Variants in STS observed in about 807,000 individuals in gnomAD.
The protein encoded by STS is steryl-sulfatase.
STS carries 7 observed loss-of-function variants against 26.8 expected under a neutral mutation model. That is an observed-to-expected ratio of 0.26 (90% CI 0.15 to 0.49). The LOEUF is 0.49. STS is among the 20% of genes least tolerant of loss of function. The pLI, the probability that STS is intolerant of heterozygous loss-of-function variation, is 0.98. For synonymous variants in STS, 199 were observed against 189.4 expected, an observed-to-expected ratio of 1.05 and a Z score of -0.42; for missense variants, 434 against 465.6, an observed-to-expected ratio of 0.93 and a Z score of 0.63.
intron 10 of STS, among the ~76,000 whole-genome samples, chrX:7,344,821 C>A (rs762006458): frequency 9.0e-6 from 1 of 111,342 alleles, no homozygotes; most frequent in African/African-American, 3.3e-5. Flanking sequence ...GTCTATCATG[C>A]GCGCAGTGTC....
chrX:7,296,126 G>A (rs1925650606), intron 7 of STS, among the ~76,000 whole-genome samples: 2 of 111,558 alleles, frequency 1.8e-5, no homozygotes, highest in South Asian at 3.8e-4. Flanking sequence ...GGCTCAGTCT[G>A]GAGGTTTAAG....
rs1927387638 is a variant in STS at position 7,325,436 on chromosome X, T to C, written c.1179T>C (p.Thr393=). The C allele has an allele frequency of 8.3e-7, 1 of 1,211,501 alleles. No homozygotes were observed. The highest frequency in any genetic ancestry group is 1.7e-5 in the African/African-American group (1 of 57,789). ...CTGGCCAGAAGATTGATGAGCCCAC[T>C]AGCAACATGGACATATTTCCTACAG... ...IQAGQKIDEP[T]SNMDIFPTVA... Residue 393 remains threonine, a synonymous_variant, in exon 9 of 11, where the codon ACT becomes ACC. Transcript: ENST00000674429.
intron 6 of STS, among the ~76,000 whole-genome samples, chrX:7,261,198 G>A (rs1342921528): frequency 1.8e-5 from 2 of 111,543 alleles, no homozygotes; most frequent in African/African-American, 3.3e-5. Flanking sequence ...CAGACGTTTG[G>A]TCTTTATGGT....
At chrX:7,212,792 G>A (rs995141623) in intron 2 of STS, among the ~76,000 whole-genome samples, 8 of 112,155 alleles carry the variant, frequency 7.1e-5, no homozygotes, top group Non-Finnish European at 1.5e-4. Context: ...TGATTAAATT[G>A]TAATAATGAA....
At chrX:7,166,908 C>G (rs1206927518) in intron 1 of STS, among the ~76,000 whole-genome samples, 2 of 112,283 alleles carry the variant, frequency 1.8e-5, no homozygotes, top group Non-Finnish European at 3.8e-5. Flanking sequence ...TTTGAAAACA[C>G]TTGGTTTTAC....
At chrX:7,346,595 C>T (rs1194794288) in intron 10 of STS, among the ~76,000 whole-genome samples, 3 of 111,222 alleles carry the variant, frequency 2.7e-5, no homozygotes, top group East Asian at 2.8e-4. Flanking sequence ...AAATACTTAT[C>T]GTTTTCAGTG....
At chrX:7,222,018 A>T (rs1165610331) in intron 2 of STS, among the ~76,000 whole-genome samples, 1 of 111,288 alleles carries the variant, frequency 9.0e-6, no homozygotes, top group African/African-American at 3.3e-5. Context: ...AGTTTCCCAT[A>T]GTGATTATAA....
At chrX:7,252,208 C>A in intron 2 of STS, 1 of 601,593 alleles carries the variant, frequency 1.7e-6, no homozygotes, top group Non-Finnish European at 2.0e-6. Context: ...CTCCTGATGT[C>A]AGGGTCAGAG....
At chrX:7,163,049 T>C (rs1601622410) in intron 1 of STS, among the ~76,000 whole-genome samples, 1 of 58,886 alleles carries the variant, frequency 1.7e-5, no homozygotes, top group Non-Finnish European at 3.0e-5. Flanking sequence ...AGAGCAAGAC[T>C]CCGTCTCAAA....
chrX:7,324,013 C>T (rs1466927546), intron 8 of STS, among the ~76,000 whole-genome samples: 1 of 111,879 alleles, frequency 8.9e-6, no homozygotes, highest in Non-Finnish European at 1.9e-5. Context: ...TCATTCTGAG[C>T]CAAGTTGACA....
chrX:7,337,271 G>A (rs1420248206), intron 10 of STS, among the ~76,000 whole-genome samples: 1 of 111,969 alleles, frequency 8.9e-6, no homozygotes, highest in African/African-American at 3.2e-5. Context: ...GGAACATATC[G>A]TCTTAGCGCT....
chrX:7,263,365 G>A (rs372571950), intron 6 of STS, among the ~76,000 whole-genome samples: 18 of 112,695 alleles, frequency 1.6e-4, no homozygotes, highest in African/African-American at 5.8e-4. Flanking sequence ...CACCACGCCC[G>A]GCCACGTTTG....
intron 2 of STS, among the ~76,000 whole-genome samples, chrX:7,211,046 T>C (rs1921013970): frequency 8.9e-6 from 1 of 111,979 alleles, no homozygotes; most frequent in Admixed American, 9.5e-5. Flanking sequence ...TGTGTTGTTA[T>C]TCACTACACA....
At chrX:7,276,137 C>T (rs751147782) in intron 7 of STS, 50 bp downstream of exon 7, 1 of 1,184,844 alleles carries the variant, frequency 8.4e-7, no homozygotes, top group Admixed American at 2.2e-5. Context: ...TCTTTGCCTC[C>T]TTGTGTTTTC....
At chrX:7,325,677 G>A (rs1009149576) in intron 9 of STS, among the ~76,000 whole-genome samples, 179 bp downstream of exon 9, 2 of 112,649 alleles carry the variant, frequency 1.8e-5, no homozygotes, top group African/African-American at 6.5e-5. Context: ...TTTACTTAAT[G>A]TGTACACAGC....
chrX:7,331,680 A>G (rs776795248), intron 9 of STS, among the ~76,000 whole-genome samples: 1 of 111,225 alleles, frequency 9.0e-6, no homozygotes, highest in East Asian at 2.8e-4. Context: ...TGCGAATCCC[A>G]CAAGTGGTTT....
At chrX:7,153,119 G>C (rs1933052751) in intron 1 of STS, among the ~76,000 whole-genome samples, 1 of 111,718 alleles carries the variant, frequency 9.0e-6, no homozygotes, top group Non-Finnish European at 1.9e-5. Flanking sequence ...GGACATCTGA[G>C]AGAGGGGCTC....
intron 2 of STS, among the ~76,000 whole-genome samples, chrX:7,221,425 T>G (rs1472474620): frequency 1.8e-5 from 2 of 112,403 alleles, no homozygotes; most frequent in Non-Finnish European, 3.8e-5. Flanking sequence ...TCAGCACCCT[T>G]GTGGAGCGTT....
chrX:7,206,837 A>T (rs1371827360), intron 2 of STS, among the ~76,000 whole-genome samples: 1 of 112,258 alleles, frequency 8.9e-6, no homozygotes, highest in Admixed American at 9.4e-5. Context: ...AAAAACAGTT[A>T]CTTAGTTTTG....
Sources: allele counts gnomAD v4.1 joint callset (sites outside exome capture counted in the v4.1 genomes callset), GRCh38; gene constraint gnomAD v4.1.1; transcripts MANE v1.5; gene names NCBI Gene and HGNC (gene_info 2026-07-23, HGNC 2026-07-21).